The following WWOX variants were observed in gnomAD, a reference collection of about 807,000 sequenced individuals.
WWOX encodes the protein WW domain containing oxidoreductase.
A neutral mutation model predicts 46.2 loss-of-function variants in WWOX; 69 were observed. That is an observed-to-expected ratio of 1.49 (90% CI 1.23 to 1.82). The LOEUF (loss-of-function observed/expected upper bound fraction) is 1.82, where lower values mean the gene tolerates loss of function less well. Among genes scored for constraint, WWOX ranks in the 40% most tolerant of loss-of-function variants. WWOX has a pLI of 0.00. For missense variants in WWOX, 919 were observed against 542.6 expected, an observed-to-expected ratio of 1.69 and a Z score of -6.89; for synonymous variants, 359 against 202.6, an observed-to-expected ratio of 1.77 and a Z score of -6.56.
At chr16:78,792,234 C>T (rs1373445080) in intron 8 of WWOX, among the ~76,000 whole-genome samples, 1 of 152,186 alleles carries the variant, frequency 6.6e-6, no homozygotes. Flanking sequence ...TTGCTCTGCT[C>T]ATCTTTCTCA....
chr16:78,933,242 C>A (rs558970528), intron 8 of WWOX, among the ~76,000 whole-genome samples: 1 of 152,164 alleles, frequency 6.6e-6, no homozygotes, highest in African/African-American at 2.4e-5. Flanking sequence ...AGTTCGAGAC[C>A]AGCCTGACCA....
At chr16:78,461,975 A>C (rs920697197) in intron 8 of WWOX, among the ~76,000 whole-genome samples, 1 of 152,264 alleles carries the variant, frequency 6.6e-6, no homozygotes, top group Non-Finnish European at 1.5e-5. Flanking sequence ...GACCCTCAAC[A>C]GACCATTTTC....
At chr16:78,976,628 C>T (rs1402555698) in intron 8 of WWOX, among the ~76,000 whole-genome samples, 2 of 152,116 alleles carry the variant, frequency 1.3e-5, no homozygotes, top group Non-Finnish European at 2.9e-5. Context: ...CATCCACACC[C>T]GCGAAGATAA....
rs77903239 is a variant in WWOX at position 78,886,784 on chromosome 16, G to A, written c.1057-324824G>A. Among the ~76,000 whole-genome samples the A allele has an allele frequency of 6.3e-3, 955 of 152,072 alleles. 13 individuals carry two copies. The highest frequency in any genetic ancestry group is 0.014 in the Middle Eastern group (4 of 294). ...GCACAAGGAAAGGCTATGAAATTCT[G>A]GTTCCACCTGCAACAGCTGTATGGT... On this transcript the variant is annotated intron_variant, in intron 8 of 8. Coordinates refer to ENST00000566780, the MANE Select transcript of WWOX (RefSeq NM_016373.4).
chr16:78,547,780 C>T (rs887819186), intron 8 of WWOX, among the ~76,000 whole-genome samples: 6 of 152,162 alleles, frequency 3.9e-5, no homozygotes, highest in Admixed American at 1.3e-4. Flanking sequence ...GCCCTTAACC[C>T]ATTCATGAAG....
At chr16:78,430,367 C>T (rs1293330896) in intron 7 of WWOX, among the ~76,000 whole-genome samples, 1 of 152,112 alleles carries the variant, frequency 6.6e-6, no homozygotes, top group African/African-American at 2.4e-5. Context: ...CCAAAAATCA[C>T]ACAAAATCTG....
chr16:78,155,424 C>A (rs1298379108), intron 4 of WWOX, among the ~76,000 whole-genome samples: 1 of 152,150 alleles, frequency 6.6e-6, no homozygotes, highest in African/African-American at 2.4e-5. Context: ...ATTTAAATTA[C>A]TTTGCACCTT....
At chr16:79,027,612 C>G (rs2047671918) in intron 8 of WWOX, among the ~76,000 whole-genome samples, 2 of 151,878 alleles carry the variant, frequency 1.3e-5, no homozygotes, top group African/African-American at 4.9e-5. Flanking sequence ...TCTGAAAAAT[C>G]TCTTCCTTTC....
intron 8 of WWOX, among the ~76,000 whole-genome samples, chr16:79,201,641 T>G (rs1272269664): frequency 1.3e-5 from 2 of 152,226 alleles, no homozygotes; most frequent in African/African-American, 4.8e-5. Flanking sequence ...TTAAAAAGTT[T>G]ATGCGCTGCT....
At chr16:79,052,158 T>C (rs1309803284) in intron 8 of WWOX, among the ~76,000 whole-genome samples, 1 of 152,124 alleles carries the variant, frequency 6.6e-6, no homozygotes, top group Non-Finnish European at 1.5e-5. Flanking sequence ...CATCTAGCAT[T>C]AGGTATATCT....
At chr16:78,687,784 G>C (rs1448754855) in intron 8 of WWOX, among the ~76,000 whole-genome samples, 3 of 152,130 alleles carry the variant, frequency 2.0e-5, no homozygotes, top group Non-Finnish European at 4.4e-5. Context: ...CTATTAACCA[G>C]ATTTTGGAAC....
At chr16:78,971,421 C>G (rs1236083067) in intron 8 of WWOX, among the ~76,000 whole-genome samples, 1 of 119,590 alleles carries the variant, frequency 8.4e-6, no homozygotes, top group Non-Finnish European at 1.7e-5. Context: ...CGCCACTGCT[C>G]TCCAGTCTGG....
At chr16:79,112,738 T>C (rs2049441049) in intron 8 of WWOX, among the ~76,000 whole-genome samples, 1 of 152,196 alleles carries the variant, frequency 6.6e-6, no homozygotes, top group Non-Finnish European at 1.5e-5. Context: ...TATAGAGTCG[T>C]AGAATTTTAG....
chr16:79,078,845 C>A (rs145243108), intron 8 of WWOX, among the ~76,000 whole-genome samples: 5 of 152,254 alleles, frequency 3.3e-5, no homozygotes, highest in South Asian at 2.1e-4. Context: ...GTGACATGGT[C>A]CATTTAAAGT....
intron 8 of WWOX, among the ~76,000 whole-genome samples, chr16:78,978,163 A>G (rs955952590): frequency 4.6e-5 from 7 of 152,214 alleles, no homozygotes; most frequent in Non-Finnish European, 8.8e-5. Context: ...TGTGGCATGT[A>G]TCAGTACTTC....
intron 8 of WWOX, among the ~76,000 whole-genome samples, chr16:79,072,818 T>C (rs916403178): frequency 6.6e-6 from 1 of 152,186 alleles, no homozygotes; most frequent in African/African-American, 2.4e-5. Flanking sequence ...TGGTCTTTGA[T>C]TTCTTATTTT....
intron 8 of WWOX, among the ~76,000 whole-genome samples, chr16:78,652,468 A>T (rs2142147074): frequency 6.6e-6 from 1 of 152,206 alleles, no homozygotes; most frequent in African/African-American, 2.4e-5. Flanking sequence ...ATGTCCCATG[A>T]ATTCCAAATA....
intron 8 of WWOX, among the ~76,000 whole-genome samples, chr16:78,647,854 C>T (rs1454722862): frequency 6.6e-6 from 1 of 152,054 alleles, no homozygotes; most frequent in Non-Finnish European, 1.5e-5. Flanking sequence ...TTTGGGGGAT[C>T]CCAGCTCTTT....
intron 8 of WWOX, among the ~76,000 whole-genome samples, chr16:78,616,581 C>G (rs541231448): frequency 5.3e-5 from 8 of 151,784 alleles, no homozygotes; most frequent in South Asian, 4.2e-4. Context: ...ACCAGCCTGG[C>G]TGACATGGTG....
Sources: gnomAD v4.1 joint callset for allele counts (sites outside exome capture counted in the v4.1 genomes callset) on GRCh38, gnomAD v4.1.1 for gene constraint, MANE v1.5 for transcripts, NCBI Gene and HGNC (gene_info 2026-07-23, HGNC 2026-07-21) for gene names.